VAX2: variants seen among roughly 807,000 people sequenced by gnomAD.
The protein encoded by VAX2 is ventral anterior homeobox 2.
A neutral mutation model predicts 12.5 loss-of-function variants in VAX2; 8 were observed. The observed-to-expected ratio is 0.64, with a 90% CI of 0.37 to 1.15. VAX2 has a LOEUF of 1.15. Among genes scored for constraint, VAX2 ranks in the 50% most tolerant of loss-of-function variants. The probability of loss-of-function intolerance (pLI) is 0.01; values close to 1 mark genes in which losing one functional copy is unlikely to be tolerated. For synonymous variants in VAX2, 183 were observed against 187.6 expected (o/e 0.98, Z 0.20); for missense variants, 476 against 412.9 (o/e 1.15, Z -1.32).
intron 1 of VAX2, among the ~76,000 whole-genome samples, chr2:70,916,720 A>C (rs547903507): frequency 1.3e-5 from 2 of 152,160 alleles, no homozygotes; most frequent in Non-Finnish European, 2.9e-5. Context: ...CCTGAGTAGT[A>C]TCCCAGAGTA....
intron 1 of VAX2, among the ~76,000 whole-genome samples, chr2:70,912,880 A>T (rs1220989764): frequency 1.4e-5 from 2 of 145,960 alleles, no homozygotes; most frequent in African/African-American, 5.6e-5. Context: ...CCTCCCACAT[A>T]CCCTCAGAGC....
Position 70,933,132 on chromosome 2 carries a change from G to A in VAX2, c.801G>A (p.Ser267=), listed in dbSNP as rs782033743. 20 of 1,602,632 alleles carry A rather than the reference G, an allele frequency of 1.2e-5. No homozygotes were observed. Among genetic ancestry groups the A allele is most frequent in the Middle Eastern group, 3.3e-4 (2 of 6,000 alleles). The change falls in exon 3 of 3, where the codon TCG becomes TCA. Residue 267 remains serine (S), a synonymous_variant. Transcript: ENST00000234392. ...CTGCCGGCTACGAACTGGGTTCCTC[G>A]GCCTTCGAGCCATACAGCTGGCTAG... ...DLPAGYELGS[S]AFEPYSWLER...
At position 70,923,282 on chromosome 2, in the gene VAX2, G is replaced by A. The variant is rs530294476; in HGVS notation, c.435+1997G>A. On this transcript the variant is annotated intron_variant, in intron 2 of 2. Coordinates refer to ENST00000234392, the MANE Select transcript of VAX2 (RefSeq NM_012476.3). ...AATGGACAGCTGATGCTTATTGAGC[G>A]CTTCCCATGCACCAGGTCCTGTTCC... 3.3e-5 allele frequency among the ~76,000 whole-genome samples: 5 copies of A among 152,218 alleles called. No homozygotes were observed. The East Asian group carries it at 5.8e-4, about 18-fold the overall frequency.
Position 70,900,851 on chromosome 2 carries a change from G to A in VAX2, c.230G>A (p.Arg77His). 1.4e-6 allele frequency: 2 copies of A among 1,434,600 alleles called. No individual in the cohort carries two copies. The highest frequency in any genetic ancestry group is 2.5e-5 in the Admixed American group (1 of 39,308). 88.9% of individuals were successfully genotyped at this position (1,434,600 alleles called of 1,614,324 possible). A position where few individuals can be genotyped will look rare whatever the true frequency, so the allele number is the denominator to read the frequency against. ...GGGCCCGGCGAGGCAGACCACTGCCGCCGCATACTGGTGCGAGGTAAGGGG... is the reference window on the plus strand; with the variant it reads ...GGGCCCGGCGAGGCAGACCACTGCCACCGCATACTGGTGCGAGGTAAGGGG... Reference protein sequence around the residue: ...QPGPGEADHCRRILVRDAKGT... With the variant: ...QPGPGEADHCHRILVRDAKGT... Residue 77 changes from arginine to histidine, a missense_variant, in exon 1 of 3, where the codon CGC becomes CAC. Coordinates refer to ENST00000234392, the MANE Select transcript of VAX2 (RefSeq NM_012476.3).
chr2:70,915,374 G>T (rs1679288047), intron 1 of VAX2, among the ~76,000 whole-genome samples: 2 of 151,786 alleles, frequency 1.3e-5, no homozygotes, highest in African/African-American at 4.8e-5. Context: ...GATTACAGGT[G>T]CCTGCCACCG....
At position 70,933,393 on chromosome 2, in the gene VAX2, T is replaced by A; in HGVS notation, c.*189T>A. 2.2e-6 allele frequency: 1 copy of A among 444,590 alleles called. No homozygotes were observed. The highest frequency in any genetic ancestry group is 3.8e-6 in the Non-Finnish European group (1 of 260,420). The allele number at this position is 444,590 out of a possible 1,614,324, so 27.5% of individuals were successfully genotyped here. A position where few individuals can be genotyped will look rare whatever the true frequency, so the allele number is the denominator to read the frequency against. ...GCAGCTTGTGTGCGTGAGTGCAGTGTGAGTGTGTGTGTCTCTCACTGAAAT... is the reference window on the plus strand; with the variant it reads ...GCAGCTTGTGTGCGTGAGTGCAGTGAGAGTGTGTGTGTCTCTCACTGAAAT... On this transcript the variant is annotated 3_prime_UTR_variant, in exon 3 of 3. Coordinates refer to ENST00000234392, the MANE Select transcript of VAX2 (RefSeq NM_012476.3).
In VAX2 at chr2:70,932,985, C is replaced by A; in HGVS notation, c.654C>A (p.Ser218=). Residue 218 remains serine, a synonymous_variant, in exon 3 of 3, where the codon TCC becomes TCA. Coordinates refer to ENST00000234392, the MANE Select transcript of VAX2 (RefSeq NM_012476.3). ...PGLPASHRGT[S]LGDPRNSSPR... Reference sequence around the variant, plus strand: ...TACCTGCCAGCCACAGGGGCACCTCCTTAGGTGACCCCAGGAACTCCTCCC... The same window carrying A: ...TACCTGCCAGCCACAGGGGCACCTCATTAGGTGACCCCAGGAACTCCTCCC... 1 of 1,608,920 alleles carries A rather than the reference C, an allele frequency of 6.2e-7. No individual in the cohort carries two copies. Among genetic ancestry groups the A allele is most frequent in the Non-Finnish European group, 8.5e-7 (1 of 1,176,902 alleles).
intron 1 of VAX2, among the ~76,000 whole-genome samples, chr2:70,919,651 G>T (rs1438349485): frequency 6.6e-6 from 1 of 151,960 alleles, no homozygotes; most frequent in African/African-American, 2.4e-5. Flanking sequence ...GACTAGCCTG[G>T]GCAACACGGT....
At chr2:70,910,595 A>C (rs1034431175) in intron 1 of VAX2, among the ~76,000 whole-genome samples, 3 of 152,010 alleles carry the variant, frequency 2.0e-5, no homozygotes, top group Non-Finnish European at 4.4e-5. Flanking sequence ...ATTGCTAGTG[A>C]GGTTAAGCAT....
At chr2:70,926,584 G>GT (rs1553413575) in intron 2 of VAX2, among the ~76,000 whole-genome samples, 3 of 152,068 alleles carry the variant, frequency 2.0e-5, no homozygotes, top group Admixed American at 2.0e-4. Context: ...GCTCCCCTGG[G>GT]GTAAAATACA....
chr2:70,933,193 G>C lies in VAX2; in HGVS notation c.862G>C (p.Ala288Pro), dbSNP rs782285943. Reference sequence around the variant, plus strand: ...GGGCAGCGCCAGCAGCTGCAAGAAAGCTAACACTTAAGACTCCCACCCTGT... The same window carrying C: ...GGGCAGCGCCAGCAGCTGCAAGAAACCTAACACTTAAGACTCCCACCCTGT... ...KVGSASSCKK[A>P]NT Residue 288 changes from alanine to proline, a missense_variant, in exon 3 of 3, where the codon GCT becomes CCT. By Grantham distance (27) the Ala-to-Pro change is conservative. Transcript: ENST00000234392. 1.1e-5 allele frequency: 16 copies of C among 1,523,530 alleles called. No homozygotes were observed. Among genetic ancestry groups the C allele is most frequent in the African/African-American group, 9.7e-5 (7 of 71,882 alleles). 94.4% of individuals were successfully genotyped at this position (1,523,530 alleles called of 1,614,324 possible). A position where few individuals can be genotyped will look rare whatever the true frequency, so the allele number is the denominator to read the frequency against.
intron 2 of VAX2, among the ~76,000 whole-genome samples, chr2:70,924,889 A>G (rs782723281): frequency 2.0e-5 from 3 of 152,110 alleles, no homozygotes; most frequent in Non-Finnish European, 4.4e-5. Flanking sequence ...AGGGAGCTCA[A>G]ATGGGGTCAT....
intron 1 of VAX2, among the ~76,000 whole-genome samples, chr2:70,920,850 T>C (rs148388513): frequency 3.4e-4 from 52 of 152,214 alleles, no homozygotes; most frequent in African/African-American, 1.1e-3. Flanking sequence ...CCAGACCACA[T>C]TGGTAGACCT....
Position 70,923,018 on chromosome 2 carries a change from AGT to A in VAX2, c.435+1749_435+1750del, listed in dbSNP as rs3836140. ...CATGGCGTGACCTGGAGAGACAGAT[AGT>A]GTGTGTGTGTGTGTGCACGTGTGTG... On this transcript the variant is annotated intron_variant, in intron 2 of 2. Transcript: ENST00000234392. Among the ~76,000 whole-genome samples the A allele has an allele frequency of 1.1e-4, 17 of 151,158 alleles. 1 individual carries two copies. The highest frequency in any genetic ancestry group is 2.0e-4 in the Admixed American group (3 of 15,202).
At chr2:70,911,938 T>C (rs1326244905) in intron 1 of VAX2, among the ~76,000 whole-genome samples, 2 of 152,250 alleles carry the variant, frequency 1.3e-5, no homozygotes, top group African/African-American at 4.8e-5. Flanking sequence ...AGTTATTTTA[T>C]ATTTGTTCTT....
intron 1 of VAX2, among the ~76,000 whole-genome samples, chr2:70,914,486 G>A (rs1679265168): frequency 6.6e-6 from 1 of 152,110 alleles, no homozygotes; most frequent in Non-Finnish European, 1.5e-5. Context: ...CAAAAGTTAT[G>A]TGCATCTTTA....
chr2:70,915,229 C>A (rs1186758009), intron 1 of VAX2, among the ~76,000 whole-genome samples: 1 of 150,168 alleles, frequency 6.7e-6, no homozygotes, highest in Admixed American at 6.6e-5. Flanking sequence ...TCCTTTACAG[C>A]CTCCAGTTTT....
intron 2 of VAX2, among the ~76,000 whole-genome samples, chr2:70,928,119 C>A (rs1256942526): frequency 6.6e-6 from 1 of 152,206 alleles, no homozygotes. Flanking sequence ...GGGCTCTGAG[C>A]CTGTCTGTTC....
chr2:70,927,592 C>T (rs973971033), intron 2 of VAX2, among the ~76,000 whole-genome samples: 8 of 151,518 alleles, frequency 5.3e-5, no homozygotes, highest in Non-Finnish European at 8.8e-5. Flanking sequence ...AAGATGAATG[C>T]CATTTCCAGA....
Sources: gnomAD v4.1 joint callset for allele counts (sites outside exome capture counted in the v4.1 genomes callset) on GRCh38, gnomAD v4.1.1 for gene constraint, MANE v1.5 for transcripts, NCBI Gene and HGNC (gene_info 2026-07-23, HGNC 2026-07-21) for gene names.